Variants in GABPB1 observed in about 807,000 individuals in gnomAD.
GABPB1 encodes the protein GA-binding protein subunit beta-1.
In GABPB1, 15 loss-of-function variants were observed where a neutral mutation model predicts 45.9. The ratio of observed to expected loss-of-function variants is 0.33; its 90% CI spans 0.22 to 0.50. The LOEUF is 0.50. GABPB1 is among the 20% of genes least tolerant of loss of function. GABPB1 has a pLI of 0.98. For missense variants in GABPB1, 252 were observed against 457.5 expected, an observed-to-expected ratio of 0.55 and a Z score of 4.10; for synonymous variants, 143 against 154.4, an observed-to-expected ratio of 0.93 and a Z score of 0.55.
Position 50,304,141 on chromosome 15 carries a change from AC to A in GABPB1, c.109-9del. On this transcript the variant is annotated splice_polypyrimidine_tract_variant and intron_variant, in intron 2 of 8. Coordinates refer to ENST00000380877, the MANE Select transcript of GABPB1 (RefSeq NM_016654.5). ...AAGTGGAGAAGTTCCCAGCTGTACC[AC>A]AGAAAAAAAAAAAAATCCACATTTA... 1.3e-6 allele frequency: 2 copies of A among 1,559,286 alleles called. No homozygotes were observed. Among genetic ancestry groups the A allele is most frequent in the Non-Finnish European group, 1.7e-6 (2 of 1,158,920 alleles).
intron 1 of GABPB1, among the ~76,000 whole-genome samples, chr15:50,338,720 C>T (rs776849042): frequency 2.7e-4 from 41 of 151,582 alleles, no homozygotes; most frequent in Non-Finnish European, 4.7e-4. Context: ...GTGATCCACC[C>T]GGGCCTTGAA....
rs1371792188 is a variant in GABPB1, at chr15:50,275,877, A to G, written c.*2755T>C. ...TTCTCAGATGAGGCTTTCTGAAAGC[A>G]TCACAGATTCAGTCTAGAATTTATA... On this transcript the variant is annotated 3_prime_UTR_variant, in exon 9 of 9. Coordinates refer to ENST00000380877, the MANE Select transcript of GABPB1 (RefSeq NM_016654.5). 1.3e-5 allele frequency: 2 copies of G among 152,242 alleles called. No homozygotes were observed. Among genetic ancestry groups the G allele is most frequent in the African/African-American group, 4.8e-5 (2 of 41,464 alleles). The allele number at this position is 152,242 out of a possible 1,614,324, so 9.4% of individuals were successfully genotyped here.
chr15:50,346,682 C>T (rs986224409), intron 1 of GABPB1, among the ~76,000 whole-genome samples: 5 of 147,908 alleles, frequency 3.4e-5, no homozygotes, highest in African/African-American at 1.3e-4. Context: ...CTGAGAAGTC[C>T]AAAATAAGGC....
chr15:50,343,017 A>G (rs2048434089), intron 1 of GABPB1, among the ~76,000 whole-genome samples: 1 of 152,098 alleles, frequency 6.6e-6, no homozygotes, highest in Admixed American at 6.5e-5. Context: ...CTCCTGCCTC[A>G]GCGTCCCGAG....
At chr15:50,337,569 G>A (rs1157927752) in intron 1 of GABPB1, among the ~76,000 whole-genome samples, 1 of 151,972 alleles carries the variant, frequency 6.6e-6, no homozygotes, top group African/African-American at 2.4e-5. Flanking sequence ...TTCAAGACCA[G>A]CCTGGACAAC....
intron 4 of GABPB1, among the ~76,000 whole-genome samples, chr15:50,302,292 A>G (rs1031642450): frequency 6.6e-6 from 1 of 152,218 alleles, no homozygotes; most frequent in Non-Finnish European, 1.5e-5. Flanking sequence ...TTATAAAGTC[A>G]TTTATAGTAG....
intron 6 of GABPB1, among the ~76,000 whole-genome samples, chr15:50,293,575 G>A (rs747330464): frequency 6.6e-6 from 1 of 152,058 alleles, no homozygotes; most frequent in Non-Finnish European, 1.5e-5. Context: ...ATTTTCAAAC[G>A]CATTAAGTAT....
intron 1 of GABPB1, among the ~76,000 whole-genome samples, chr15:50,320,567 C>T (rs2047530906): frequency 6.6e-6 from 1 of 152,156 alleles, no homozygotes; most frequent in Admixed American, 6.5e-5. Flanking sequence ...AATAATGCTC[C>T]CCCAAAGATG....
chr15:50,337,746 G>A (rs936065772), intron 1 of GABPB1, among the ~76,000 whole-genome samples: 1 of 152,038 alleles, frequency 6.6e-6, no homozygotes, highest in Non-Finnish European at 1.5e-5. Flanking sequence ...CAGCCTGGGT[G>A]TCAGAGACAG....
At chr15:50,321,703 G>GA (rs61483731) in intron 1 of GABPB1, among the ~76,000 whole-genome samples, 64,415 of 122,910 alleles carry the variant, frequency 0.52, 16,237 homozygotes, top group Middle Eastern at 0.69. Flanking sequence ...CTCCGTCTCA[G>GA]AAAAAAAAAA....
At chr15:50,304,804 G>A (rs2046884152) in intron 2 of GABPB1, among the ~76,000 whole-genome samples, 1 of 151,746 alleles carries the variant, frequency 6.6e-6, no homozygotes, top group Admixed American at 6.6e-5. Flanking sequence ...CACAAAACTT[G>A]CTAAGTTAAC....
At chr15:50,339,785 C>T (rs938334546) in intron 1 of GABPB1, among the ~76,000 whole-genome samples, 1 of 152,172 alleles carries the variant, frequency 6.6e-6, no homozygotes. Context: ...TACCCATACA[C>T]ACTAAACTAA....
intron 1 of GABPB1, among the ~76,000 whole-genome samples, chr15:50,318,179 G>A (rs2047418785): frequency 6.6e-6 from 1 of 152,084 alleles, no homozygotes; most frequent in African/African-American, 2.4e-5. Flanking sequence ...CAAGTAAAAA[G>A]TAAAAAGATT....
chr15:50,321,472 A>G (rs1234144561), intron 1 of GABPB1, among the ~76,000 whole-genome samples: 1 of 152,186 alleles, frequency 6.6e-6, no homozygotes, highest in African/African-American at 2.4e-5. Flanking sequence ...ATCCCACCAC[A>G]TAAGGAGAGA....
At chr15:50,303,866 G>T in intron 3 of GABPB1, 100 bp downstream of exon 3, 2 of 865,712 alleles carry the variant, frequency 2.3e-6, no homozygotes, top group Non-Finnish European at 3.5e-6. Context: ...AAATACTATA[G>T]ATAAAATACT....
chr15:50,322,734 T>C (rs754050576), intron 1 of GABPB1, among the ~76,000 whole-genome samples: 5 of 152,114 alleles, frequency 3.3e-5, no homozygotes, highest in Non-Finnish European at 5.9e-5. Context: ...GTTGAAACAA[T>C]ATTTTGGAAG....
chr15:50,310,903 G>A (rs938455130), intron 1 of GABPB1, among the ~76,000 whole-genome samples: 2 of 151,456 alleles, frequency 1.3e-5, no homozygotes, highest in African/African-American at 2.4e-5. Flanking sequence ...CTTGAACCCA[G>A]GAGGCGGAGG....
chr15:50,352,518 T>G (rs2048880152), intron 1 of GABPB1: 1 of 152,266 alleles, frequency 6.6e-6, no homozygotes, highest in East Asian at 1.9e-4. Context: ...GTATTTTTAG[T>G]AGAAATGGGG....
intron 1 of GABPB1, among the ~76,000 whole-genome samples, chr15:50,337,128 T>TA (rs10580526): frequency 1.5e-4 from 1 of 6,708 alleles, no homozygotes; most frequent in Non-Finnish European, 2.2e-4. Context: ...TATATATATA[T>TA]AATATGAAGA....
Sources: gnomAD v4.1 joint callset for allele counts (sites outside exome capture counted in the v4.1 genomes callset) on GRCh38, gnomAD v4.1.1 for gene constraint, MANE v1.5 for transcripts, NCBI Gene and HGNC (gene_info 2026-07-23, HGNC 2026-07-21) for gene names.